The following DLGAP2 variants were observed in gnomAD, a reference collection of about 807,000 sequenced individuals.
DLGAP2 encodes the protein DLG associated protein 2, also known as disks large-associated protein 2.
DLGAP2 carries 26 observed loss-of-function variants against 100.3 expected under a neutral mutation model. The ratio of observed to expected loss-of-function variants is 0.26; its 90% confidence interval spans 0.19 to 0.36. The LOEUF (loss-of-function observed/expected upper bound fraction) is 0.36, where lower values mean the gene tolerates loss of function less well. DLGAP2 is among the 10% of genes least tolerant of loss of function. The probability of loss-of-function intolerance (pLI) is 1.00; values close to 1 mark genes in which losing one functional copy is unlikely to be tolerated. For synonymous variants in DLGAP2, 886 were observed against 630.1 expected, an observed-to-expected ratio of 1.41 and a Z score of -6.08; for missense variants, 1,858 against 1,453.2, an observed-to-expected ratio of 1.28 and a Z score of -4.53.
intron 2 of DLGAP2, among the ~76,000 whole-genome samples, chr8:1,075,937 G>A (rs760007777): frequency 6.6e-5 from 10 of 152,018 alleles, no homozygotes; most frequent in Non-Finnish European, 1.5e-4. Context: ...AAAAAGACCC[G>A]AAAAATCACA....
At chr8:1,568,080 A>T (rs928528676) in intron 6 of DLGAP2, among the ~76,000 whole-genome samples, 22 of 151,082 alleles carry the variant, frequency 1.5e-4, no homozygotes, top group Non-Finnish European at 2.9e-4. Flanking sequence ...CACTCAGCAG[A>T]CACAAATCCG....
intron 3 of DLGAP2, among the ~76,000 whole-genome samples, chr8:1,308,499 A>G (rs1271569710): frequency 2.0e-5 from 3 of 152,216 alleles, no homozygotes; most frequent in African/African-American, 7.2e-5. Flanking sequence ...AGTATGGTCC[A>G]TTCAGGACAA....
chr8:798,173 C>T (rs974001869), intron 1 of DLGAP2, among the ~76,000 whole-genome samples: 10 of 152,380 alleles, frequency 6.6e-5, no homozygotes, highest in African/African-American at 1.2e-4. Context: ...TGGCACTCCC[C>T]GTGGTGCTCA....
rs186118373 is a variant in DLGAP2, at chr8:1,705,056, C to G, written c.*3650C>G. 6.6e-6 allele frequency: 1 copy of G among 152,206 alleles called. No homozygotes were observed. The highest frequency in any genetic ancestry group is 1.5e-5 in the Non-Finnish European group (1 of 68,050). The allele number at this position is 152,206 out of a possible 1,614,324, so 9.4% of individuals were successfully genotyped here. ...TTAGATCCTTGTAAGCATCGCTACC[C>G]GAGTCCAGGATGGAATTTCACAGGA... On this transcript the variant is annotated 3_prime_UTR_variant, in exon 15 of 15. Coordinates refer to ENST00000637795, the MANE Select transcript of DLGAP2 (RefSeq NM_001346810.2).
chr8:1,376,291 C>T (rs1401882510), intron 3 of DLGAP2, among the ~76,000 whole-genome samples: 5 of 152,236 alleles, frequency 3.3e-5, no homozygotes. Context: ...AGGAGACAAA[C>T]CAGGTCTCTG....
chr8:834,448 C>G (rs1408859587), intron 1 of DLGAP2, among the ~76,000 whole-genome samples: 1 of 152,242 alleles, frequency 6.6e-6, no homozygotes, highest in East Asian at 1.9e-4. Flanking sequence ...CTCAGTGCCA[C>G]AAGCACATCA....
chr8:1,375,453 A>C (rs569708649), intron 3 of DLGAP2, among the ~76,000 whole-genome samples: 14 of 22,046 alleles, frequency 6.4e-4, no homozygotes, highest in Non-Finnish European at 8.1e-4. Context: ...GGTTAACGAC[A>C]CCTCTCCACG....
chr8:1,381,012 A>T (rs1796081743), intron 3 of DLGAP2: 1 of 149,606 alleles, frequency 6.7e-6, no homozygotes, highest in Non-Finnish European at 1.5e-5. Context: ...TGATATTTTT[A>T]TATTTATATT....
intron 3 of DLGAP2, among the ~76,000 whole-genome samples, chr8:1,430,449 G>T (rs1797392506): frequency 6.6e-6 from 1 of 152,112 alleles, no homozygotes; most frequent in African/African-American, 2.4e-5. Flanking sequence ...ATCACATTAG[G>T]CAAAGGACTT....
At chr8:1,101,969 T>G (rs1403099395) in intron 2 of DLGAP2, among the ~76,000 whole-genome samples, 1 of 152,152 alleles carries the variant, frequency 6.6e-6, no homozygotes, top group African/African-American at 2.4e-5. Context: ...GATTTTATAT[T>G]ATGTTTATTT....
intron 2 of DLGAP2, among the ~76,000 whole-genome samples, chr8:1,124,330 A>G (rs965997014): frequency 1.3e-5 from 2 of 152,152 alleles, no homozygotes; most frequent in Admixed American, 1.3e-4. Flanking sequence ...CCACTTCCAG[A>G]AGGGTTACCT....
chr8:946,465 A>G (rs74597202), intron 2 of DLGAP2, among the ~76,000 whole-genome samples: 8,618 of 151,880 alleles, frequency 0.057, 293 homozygotes, highest in Middle Eastern at 0.078. Flanking sequence ...GGGTTTCACC[A>G]TATTAGCCAG....
At chr8:1,615,223 A>G (rs1797111812) in intron 6 of DLGAP2, among the ~76,000 whole-genome samples, 1 of 151,772 alleles carries the variant, frequency 6.6e-6, no homozygotes, top group South Asian at 2.1e-4. Flanking sequence ...TGGAGGCTGA[A>G]CCCCACCAAG....
chr8:1,062,139 C>G (rs1585024606), intron 2 of DLGAP2, among the ~76,000 whole-genome samples: 1 of 152,276 alleles, frequency 6.6e-6, no homozygotes, highest in South Asian at 2.1e-4. Flanking sequence ...ATCTCCATGG[C>G]TAACTCTGTT....
At chr8:1,288,576 A>T (rs1799990982) in intron 3 of DLGAP2, among the ~76,000 whole-genome samples, 1 of 87,728 alleles carries the variant, frequency 1.1e-5, no homozygotes. Context: ...GAGGGGAACT[A>T]GTTTCAGTTG....
chr8:1,288,633 C>G (rs1226722674), intron 3 of DLGAP2, among the ~76,000 whole-genome samples: 2 of 126,932 alleles, frequency 1.6e-5, no homozygotes, highest in South Asian at 5.2e-4. Context: ...AGTTTCATTT[C>G]AGTGTGTGTG....
At chr8:1,624,843 C>G (rs998830635) in intron 6 of DLGAP2, among the ~76,000 whole-genome samples, 1 of 145,392 alleles carries the variant, frequency 6.9e-6, no homozygotes, top group Non-Finnish European at 1.5e-5. Flanking sequence ...CCTCCCTTTG[C>G]TTTCTCTCTC....
At chr8:1,071,834 C>G (rs59442014) in intron 2 of DLGAP2, among the ~76,000 whole-genome samples, 4,554 of 152,224 alleles carry the variant, frequency 0.03, 221 homozygotes, top group African/African-American at 0.1. Context: ...GTTATTTAGT[C>G]AAACATTTAA....
chr8:1,330,967 CACCGGG>C (rs1801144720), intron 3 of DLGAP2, among the ~76,000 whole-genome samples: 11 of 136,310 alleles, frequency 8.1e-5, no homozygotes, highest in Admixed American at 7.7e-4. Flanking sequence ...AGCGCCACTT[CACCGGG>C]ACTGAGTTCT....
Sources: allele counts gnomAD v4.1 joint callset (sites outside exome capture counted in the v4.1 genomes callset), GRCh38; gene constraint gnomAD v4.1.1; transcripts MANE v1.5; gene names NCBI Gene and HGNC (gene_info 2026-07-23, HGNC 2026-07-21).